FHIT: variants seen among roughly 807,000 people sequenced by gnomAD.
FHIT encodes bis(5'-adenosyl)-triphosphatase.
FHIT carries 19 observed loss-of-function variants against 17.9 expected under a neutral mutation model. The observed-to-expected ratio is 1.06, with a 90% CI of 0.74 to 1.56. The LOEUF (loss-of-function observed/expected upper bound fraction) is 1.56, where lower values mean the gene tolerates loss of function less well. Among genes scored for constraint, FHIT ranks in the 40% most tolerant of loss-of-function variants. The pLI is 0.00. For synonymous variants in FHIT, 81 were observed against 69.7 expected (o/e 1.16, Z -0.81); for missense variants, 248 against 189.2 (o/e 1.31, Z -1.82).
At chr3:61,103,642 T>C (rs2106861106) in intron 2 of FHIT, among the ~76,000 whole-genome samples, 1 of 152,306 alleles carries the variant, frequency 6.6e-6, no homozygotes, top group Non-Finnish European at 1.5e-5. Context: ...CTGTCTAATA[T>C]TGACAGTGGG....
intron 5 of FHIT, among the ~76,000 whole-genome samples, chr3:60,499,548 C>T (rs2034438280): frequency 6.6e-6 from 1 of 152,162 alleles, no homozygotes; most frequent in Non-Finnish European, 1.5e-5. Context: ...CCCGCCACCG[C>T]ACCCGGCTAA....
intron 8 of FHIT, among the ~76,000 whole-genome samples, chr3:59,881,559 T>C (rs961515303): frequency 2.6e-5 from 4 of 152,140 alleles, no homozygotes; most frequent in African/African-American, 9.7e-5. Flanking sequence ...TCACATATAA[T>C]TTCTACAGGT....
intron 3 of FHIT, among the ~76,000 whole-genome samples, chr3:60,885,073 T>C (rs1218629830): frequency 3.3e-5 from 5 of 151,674 alleles, no homozygotes; most frequent in African/African-American, 1.2e-4. Context: ...TGAAGAGAGG[T>C]TGGTTAATAG....
intron 5 of FHIT, among the ~76,000 whole-genome samples, chr3:60,305,408 A>T (rs1708626409): frequency 6.6e-6 from 1 of 152,108 alleles, no homozygotes; most frequent in African/African-American, 2.4e-5. Flanking sequence ...ATACTTCCAG[A>T]GATTCTCAAT....
rs562509088 is a variant in FHIT at position 60,568,365 on chromosome 3, C to A, written c.-17-31386G>T. The stretch of plus-strand genomic sequence containing the variant: ...AGCAAACTATCACAAGGACAAAAAA[C>A]CAAATACCGCGTGTTCTCACTCATA... On this transcript the variant is annotated intron_variant, in intron 4 of 9. Coordinates refer to ENST00000492590, the MANE Select transcript of FHIT (RefSeq NM_002012.4). Among the ~76,000 whole-genome samples the A allele has an allele frequency of 1.5e-4, 23 of 152,034 alleles. No homozygotes were observed. In the East Asian group the frequency reaches 2.3e-3, roughly 15 times the overall value.
chr3:61,064,019 C>A (rs1412571124), intron 2 of FHIT, among the ~76,000 whole-genome samples: 1 of 152,056 alleles, frequency 6.6e-6, no homozygotes, highest in Non-Finnish European at 1.5e-5. Context: ...TTCTCAGGTA[C>A]CTGCAGGTGG....
intron 5 of FHIT, among the ~76,000 whole-genome samples, chr3:60,285,747 A>G (rs535506298): frequency 1.3e-5 from 2 of 152,338 alleles, no homozygotes; most frequent in African/African-American, 4.8e-5. Context: ...ACTGTCAGCT[A>G]GAACTCTATT....
chr3:60,338,181 T>C (rs867858866), intron 5 of FHIT, among the ~76,000 whole-genome samples: 1 of 152,104 alleles, frequency 6.6e-6, no homozygotes, highest in African/African-American at 2.4e-5. Flanking sequence ...TCAGAAGAAA[T>C]TGCTCAAATT....
At chr3:60,748,856 A>C (rs1280016035) in intron 4 of FHIT, among the ~76,000 whole-genome samples, 1 of 152,206 alleles carries the variant, frequency 6.6e-6, no homozygotes, top group Non-Finnish European at 1.5e-5. Context: ...TATAACACCT[A>C]ATACAATCTA....
intron 1 of FHIT, among the ~76,000 whole-genome samples, chr3:61,206,832 C>G (rs1192019262): frequency 6.6e-6 from 1 of 152,110 alleles, no homozygotes; most frequent in African/African-American, 2.4e-5. Context: ...CCTGATTGCC[C>G]TGGACAGAAC....
intron 2 of FHIT, among the ~76,000 whole-genome samples, chr3:61,154,052 C>T (rs578200104): frequency 8.5e-5 from 13 of 152,286 alleles, no homozygotes; most frequent in African/African-American, 2.9e-4. Flanking sequence ...ATTTCAACTG[C>T]TCTATTCTTT....
chr3:60,750,675 T>A (rs1459613955), intron 4 of FHIT, among the ~76,000 whole-genome samples: 1 of 152,166 alleles, frequency 6.6e-6, no homozygotes, highest in Non-Finnish European at 1.5e-5. Context: ...CTTTCTTTTG[T>A]AAATCACCCA....
chr3:60,611,961 A>T (rs1347929636), intron 4 of FHIT, among the ~76,000 whole-genome samples: 4 of 152,100 alleles, frequency 2.6e-5, no homozygotes, highest in Non-Finnish European at 5.9e-5. Flanking sequence ...GAGGGTCCTG[A>T]TACTGTCACT....
chr3:60,375,205 T>C (rs996491930), intron 5 of FHIT, among the ~76,000 whole-genome samples: 4 of 151,998 alleles, frequency 2.6e-5, no homozygotes, highest in Non-Finnish European at 4.4e-5. Context: ...TGATTCTGTA[T>C]AGGAACATCT....
chr3:60,473,928 A>G (rs1438745415), intron 5 of FHIT, among the ~76,000 whole-genome samples: 2 of 152,124 alleles, frequency 1.3e-5, no homozygotes, highest in African/African-American at 2.4e-5. Context: ...ATTTCCAAAA[A>G]AAAAAGAAAA....
At chr3:61,161,700 A>G (rs936314316) in intron 2 of FHIT, among the ~76,000 whole-genome samples, 2 of 152,352 alleles carry the variant, frequency 1.3e-5, no homozygotes, top group East Asian at 1.9e-4. Flanking sequence ...GACAGCATGC[A>G]TTACTGAGAA....
At chr3:60,075,381 A>C (rs1702959813) in intron 5 of FHIT, among the ~76,000 whole-genome samples, 1 of 152,126 alleles carries the variant, frequency 6.6e-6, no homozygotes, top group African/African-American at 2.4e-5. Context: ...AAGAGGCTCA[A>C]AAATATACTG....
At chr3:61,142,721 T>C (rs2037121436) in intron 2 of FHIT, among the ~76,000 whole-genome samples, 1 of 152,236 alleles carries the variant, frequency 6.6e-6, no homozygotes, top group African/African-American at 2.4e-5. Context: ...CATTTTTCAT[T>C]AGGACCTCTT....
intron 5 of FHIT, among the ~76,000 whole-genome samples, chr3:60,518,636 CAT>C (rs1241920765): frequency 1.3e-5 from 2 of 152,130 alleles, no homozygotes; most frequent in African/African-American, 2.4e-5. Context: ...ATTTGTTACA[CAT>C]ATGTCGAAAA....
Sources: gnomAD v4.1 joint callset for allele counts (sites outside exome capture counted in the v4.1 genomes callset) on GRCh38, gnomAD v4.1.1 for gene constraint, MANE v1.5 for transcripts, NCBI Gene and HGNC (gene_info 2026-07-23, HGNC 2026-07-21) for gene names.